EML6: variants seen among roughly 807,000 people sequenced by gnomAD.
EML6 encodes echinoderm microtubule-associated protein-like 6.
A neutral mutation model predicts 240.1 loss-of-function variants in EML6; 154 were observed. The observed-to-expected ratio is 0.64, with a 90% CI of 0.56 to 0.73. The LOEUF (loss-of-function observed/expected upper bound fraction) is 0.73. Among genes scored for constraint, EML6 ranks in the 30% least tolerant of loss-of-function variants. The pLI, the probability that EML6 is intolerant of heterozygous loss-of-function variation, is 0.00. For synonymous variants in EML6, 1,148 were observed against 899.0 expected, an observed-to-expected ratio of 1.28 and a Z score of -4.95; for missense variants, 2,964 against 2,474.6, an observed-to-expected ratio of 1.20 and a Z score of -4.20.
intron 38 of EML6, among the ~76,000 whole-genome samples, chr2:54,965,553 G>A (rs1324902756): frequency 2.0e-5 from 3 of 152,160 alleles, no homozygotes; most frequent in Admixed American, 1.3e-4. Flanking sequence ...TGAGCATTCC[G>A]GAAGCAGAGT....
chr2:54,727,790 A>T (rs1194692396), intron 2 of EML6, among the ~76,000 whole-genome samples: 3 of 152,232 alleles, frequency 2.0e-5, no homozygotes, highest in African/African-American at 7.2e-5. Flanking sequence ...ATATGCATAC[A>T]TCTATACTGC....
At chr2:54,757,629 G>T (rs78632331) in intron 2 of EML6, among the ~76,000 whole-genome samples, 1 of 152,068 alleles carries the variant, frequency 6.6e-6, no homozygotes, top group East Asian at 1.9e-4. Flanking sequence ...AGTTCTGCTG[G>T]GTGAGAGGAG....
intron 15 of EML6, among the ~76,000 whole-genome samples, chr2:54,870,691 G>GTT (rs1052385769): frequency 4.0e-5 from 6 of 148,306 alleles, no homozygotes; most frequent in African/African-American, 1.2e-4. Flanking sequence ...AGCCAGAGGT[G>GTT]TTTTTTTTTT....
At chr2:54,812,471 C>G (rs931373016) in intron 2 of EML6, among the ~76,000 whole-genome samples, 1 of 151,666 alleles carries the variant, frequency 6.6e-6, no homozygotes, top group Non-Finnish European at 1.5e-5. Context: ...TTCCCAACGT[C>G]TGTTTTTTAG....
intron 2 of EML6, among the ~76,000 whole-genome samples, chr2:54,811,054 C>G (rs1056113200): frequency 1.3e-5 from 2 of 152,006 alleles, no homozygotes; most frequent in African/African-American, 4.8e-5. Context: ...CTAAGCATTT[C>G]CCCCTCTGTT....
At chr2:54,969,951 C>A in intron 41 of EML6, 120 bp from the exon 42 acceptor site, 1 of 1,045,226 alleles carries the variant, frequency 9.6e-7, no homozygotes, top group Non-Finnish European at 1.5e-6. Flanking sequence ...CTTTTGAAGT[C>A]AAAATGTTCA....
rs550810059 is a variant in EML6, at chr2:54,970,725, C to G, written c.*630C>G. On this transcript the variant is annotated 3_prime_UTR_variant, in exon 42 of 42. Coordinates refer to ENST00000356458, the MANE Select transcript of EML6 (RefSeq NM_001039753.4). ...GTTGTGTGGGCTGCTGTCTCACCTC[C>G]CACCAATTTCTCCTTTCTCCATATG... 108 of 153,066 alleles carry G rather than the reference C, an allele frequency of 7.1e-4. No individual in the cohort carries two copies. Among genetic ancestry groups the G allele is most frequent in the Middle Eastern group, 3.4e-3 (1 of 294 alleles). 9.5% of individuals were successfully genotyped at this position (153,066 alleles called of 1,614,324 possible).
chr2:54,970,863 C>T lies in EML6; in HGVS notation c.*768C>T, dbSNP rs780761129. 1 of 152,126 alleles carries T rather than the reference C, an allele frequency of 6.6e-6. No individual in the cohort carries two copies. 9.4% of individuals were successfully genotyped at this position (152,126 alleles called of 1,614,324 possible). A position where few individuals can be genotyped will look rare whatever the true frequency, so the allele number is the denominator to read the frequency against. ...CTAAATGAAAGACATCGGTTACCTGCTTATGGGAAGGTGAGCAGCAAAGGA... is the reference window on the plus strand; with the variant it reads ...CTAAATGAAAGACATCGGTTACCTGTTTATGGGAAGGTGAGCAGCAAAGGA... On this transcript the variant is annotated 3_prime_UTR_variant, in exon 42 of 42. Transcript: ENST00000356458.
At chr2:54,924,629 T>G (rs1332913932) in intron 26 of EML6, among the ~76,000 whole-genome samples, 1 of 152,222 alleles carries the variant, frequency 6.6e-6, no homozygotes, top group Non-Finnish European at 1.5e-5. Context: ...TGGCGTGATC[T>G]CGGCTCACTG....
At chr2:54,791,704 G>A (rs540057712) in intron 2 of EML6, among the ~76,000 whole-genome samples, 35 of 152,110 alleles carry the variant, frequency 2.3e-4, no homozygotes, top group Non-Finnish European at 4.0e-4. Context: ...AGAGCCAAGA[G>A]AACTGAAGAT....
chr2:54,869,397 C>G, intron 15 of EML6, 30 bp downstream of exon 15: 1 of 1,442,798 alleles, frequency 6.9e-7, no homozygotes, highest in East Asian at 2.5e-5. Flanking sequence ...TAGGGCCTAG[C>G]CAAAAAGAGA....
At position 54,962,598 on chromosome 2, in the gene EML6, A is replaced by G. The variant is rs1332490766; in HGVS notation, c.5044A>G (p.Ile1682Val). The change falls in exon 36 of 42, where the codon ATT becomes GTT. Residue 1682 changes from isoleucine (I) to valine (V), a missense_variant. Transcript: ENST00000356458. The stretch of plus-strand genomic sequence containing the variant: ...AAAAAATGCTGCTTCTAACATCCTG[A>G]TTGATGGTCACATGGAAGGGGAGAT... The part of the protein sequence containing the change: ...GEKNAASNIL[I>V]DGHMEGEIWG... 5.8e-6 allele frequency: 9 copies of G among 1,549,848 alleles called. No individual in the cohort carries two copies. The highest frequency in any genetic ancestry group is 1.7e-4 in the Middle Eastern group (1 of 5,994).
intron 7 of EML6, among the ~76,000 whole-genome samples, chr2:54,841,087 A>C (rs1160720490): frequency 9.6e-6 from 1 of 104,276 alleles, no homozygotes; most frequent in Non-Finnish European, 1.9e-5. Flanking sequence ...AGGCAAAGAG[A>C]TCAGGACAAG....
Position 54,968,709 on chromosome 2 carries a change from G to C in EML6, c.5793G>C (p.Thr1931=), listed in dbSNP as rs759074311. 29 of 1,551,286 alleles carry C rather than the reference G, an allele frequency of 1.9e-5. No homozygotes were observed. The Admixed American group carries it at 2.2e-4, about 12-fold the overall frequency. Residue 1931 remains threonine, a synonymous_variant, in exon 41 of 42, where the codon ACG becomes ACC. Transcript: ENST00000356458. ...ACTTCGGTCACTCGGCTCACGTGAC[G>C]AACATCCGTTTCTCTTATGATGACA... ...KRYFGHSAHV[T]NIRFSYDDKY... is the part of the protein sequence containing the mutation.
intron 25 of EML6, among the ~76,000 whole-genome samples, chr2:54,914,802 A>T (rs532259037): frequency 6.6e-6 from 1 of 152,140 alleles, no homozygotes; most frequent in Non-Finnish European, 1.5e-5. Context: ...TTTTTTAAGA[A>T]ACAATCATGG....
At chr2:54,863,931 G>T in intron 13 of EML6, 42 bp downstream of exon 13, 1 of 1,066,534 alleles carries the variant, frequency 9.4e-7, no homozygotes, top group Non-Finnish European at 1.4e-6. Context: ...ACCCCAGAAG[G>T]GGATCTCATT....
At chr2:54,821,096 C>G (rs1283157731) in intron 5 of EML6, among the ~76,000 whole-genome samples, 1 of 152,112 alleles carries the variant, frequency 6.6e-6, no homozygotes, top group African/African-American at 2.4e-5. Flanking sequence ...GATCTTCTTT[C>G]TCTATAGGAT....
intron 35 of EML6, among the ~76,000 whole-genome samples, chr2:54,961,186 T>TGG (rs796179489): frequency 1.1e-5 from 1 of 93,166 alleles, no homozygotes; most frequent in Non-Finnish European, 2.1e-5. Flanking sequence ...AGGAAGTAGT[T>TGG]TTTTTTTTTT....
chr2:54,959,092 T>G lies in EML6; in HGVS notation c.4696-12T>G, dbSNP rs12623902. On this transcript the variant is annotated splice_polypyrimidine_tract_variant and intron_variant, in intron 33 of 41. Coordinates refer to ENST00000356458, the MANE Select transcript of EML6 (RefSeq NM_001039753.4). ...TGTGTTCCGGGTGTAGAAGATGTTGTTTTGTTTACAGAACAATCTCACTTT... is the reference window on the plus strand; with the variant it reads ...TGTGTTCCGGGTGTAGAAGATGTTGGTTTGTTTACAGAACAATCTCACTTT... 1.9e-6 allele frequency: 3 copies of G among 1,546,036 alleles called. No individual in the cohort carries two copies. The highest frequency in any genetic ancestry group is 4.0e-5 in the Admixed American group (2 of 50,124).
Sources: allele counts gnomAD v4.1 joint callset (sites outside exome capture counted in the v4.1 genomes callset), GRCh38; gene constraint gnomAD v4.1.1; transcripts MANE v1.5; gene names NCBI Gene and HGNC (gene_info 2026-07-23, HGNC 2026-07-21).